Variants in ARL8B observed in about 807,000 individuals in gnomAD.
The protein encoded by ARL8B is ADP-ribosylation factor-like protein 8B.
ARL8B carries 9 observed loss-of-function variants against 30.6 expected under a neutral mutation model. The observed-to-expected ratio is 0.29, with a 90% CI of 0.18 to 0.51. ARL8B has a LOEUF of 0.51. ARL8B is among the 20% of genes least tolerant of loss of function. The pLI, the probability that ARL8B is intolerant of heterozygous loss-of-function variation, is 0.97. For synonymous variants in ARL8B, 74 were observed against 76.0 expected, an observed-to-expected ratio of 0.97 and a Z score of 0.14; for missense variants, 130 against 227.2, an observed-to-expected ratio of 0.57 and a Z score of 2.75.
At position 5,172,690 on chromosome 3, in the gene ARL8B, C is replaced by T. The variant is rs763392421; in HGVS notation, c.322C>T (p.Arg108Ter). ...AGATCGTGAAAAGATAGAAGCTTCC[C>T]GAAATGAGCTACATAATCTTCTAGA... ...AADREKIEASRNELHNLLDKP... is the reference protein window; with the variant it reads ...AADREKIEAS The change falls in exon 4 of 7, where the codon CGA (arginine) becomes TGA (stop). Residue 108 changes from arginine (R) to a stop codon, truncating the protein, a stop_gained. Coordinates refer to ENST00000256496, the MANE Select transcript of ARL8B (RefSeq NM_018184.3). LOFTEE classifies it high-confidence loss of function. The T allele has an allele frequency of 3.1e-6, 5 of 1,611,998 alleles. No individual in the cohort carries two copies. Among genetic ancestry groups the T allele is most frequent in the Admixed American group, 1.7e-5 (1 of 59,938 alleles).
chr3:5,157,270 T>C (rs1353836453), intron 1 of ARL8B, among the ~76,000 whole-genome samples: 1 of 152,220 alleles, frequency 6.6e-6, no homozygotes, highest in Non-Finnish European at 1.5e-5. Context: ...CAGATCCATA[T>C]GTCACAGCTT....
rs1191511049 is a variant in ARL8B at position 5,172,698 on chromosome 3, G to A, written c.330G>A (p.Glu110=). 16 of 1,612,342 alleles carry A rather than the reference G, an allele frequency of 9.9e-6. No individual in the cohort carries two copies. The highest frequency in any genetic ancestry group is 1.3e-5 in the Non-Finnish European group (15 of 1,179,082). ...DREKIEASRN[E]LHNLLDKPQL... ...AAAAGATAGAAGCTTCCCGAAATGA[G>A]CTACATAATCTTCTAGATAAACCAC... Residue 110 remains glutamate (E), a synonymous_variant, in exon 4 of 7, where the codon GAG becomes GAA. Transcript: ENST00000256496.
chr3:5,147,056 G>C (rs898287328), intron 1 of ARL8B, among the ~76,000 whole-genome samples: 1 of 151,534 alleles, frequency 6.6e-6, no homozygotes, highest in African/African-American at 2.4e-5. Flanking sequence ...AAGTTCTAGG[G>C]TACATGTGCA....
chr3:5,137,171 A>T (rs1463569800), intron 1 of ARL8B, among the ~76,000 whole-genome samples: 1 of 152,132 alleles, frequency 6.6e-6, no homozygotes, highest in Non-Finnish European at 1.5e-5. Context: ...GGATTTGGGC[A>T]TGAGAATACT....
At position 5,141,132 on chromosome 3, in the gene ARL8B, C is replaced by T. The variant is rs2054369865; in HGVS notation, c.123+18544C>T. Among the ~76,000 whole-genome samples the T allele has an allele frequency of 2.0e-5, 3 of 152,290 alleles. No individual in the cohort carries two copies. In the South Asian group the frequency reaches 6.2e-4, roughly 32 times the overall value. ...ATTTCCCAATAATGAAACTTTCTCC[C>T]CTTTTAGGGGCTGACCCCTCCTCTA... On this transcript the variant is annotated intron_variant, in intron 1 of 6. Coordinates refer to ENST00000256496, the MANE Select transcript of ARL8B (RefSeq NM_018184.3).
At chr3:5,137,057 A>C (rs185329810) in intron 1 of ARL8B, among the ~76,000 whole-genome samples, 22 of 152,328 alleles carry the variant, frequency 1.4e-4, no homozygotes, top group African/African-American at 5.3e-4. Flanking sequence ...AGAGTAAAAC[A>C]GTATAGGGTA....
At chr3:5,134,383 A>G (rs907277826) in intron 1 of ARL8B, among the ~76,000 whole-genome samples, 1 of 152,218 alleles carries the variant, frequency 6.6e-6, no homozygotes, top group Non-Finnish European at 1.5e-5. Context: ...TGAAGGCTGT[A>G]TATTCAGAGT....
chr3:5,178,499 A>G (rs2054750205), intron 6 of ARL8B, among the ~76,000 whole-genome samples, 165 bp from the exon 7 acceptor site: 1 of 152,134 alleles, frequency 6.6e-6, no homozygotes, highest in Admixed American at 6.5e-5. Context: ...ATAATTCCTC[A>G]TATTCTCTTG....
chr3:5,163,328 T>C (rs1376147840), intron 1 of ARL8B, among the ~76,000 whole-genome samples: 1 of 152,206 alleles, frequency 6.6e-6, no homozygotes, highest in African/African-American at 2.4e-5. Context: ...TTTGGTTTTC[T>C]GCTTCTGTAT....
intron 1 of ARL8B, among the ~76,000 whole-genome samples, chr3:5,125,818 C>A (rs181428209): frequency 2.2e-4 from 34 of 152,256 alleles, no homozygotes; most frequent in Non-Finnish European, 3.7e-4. Context: ...CAGGCGTGAG[C>A]CACTGTGCCC....
At chr3:5,153,969 ATT>A (rs2054510996) in intron 1 of ARL8B, among the ~76,000 whole-genome samples, 2 of 150,592 alleles carry the variant, frequency 1.3e-5, no homozygotes, top group Non-Finnish European at 3.0e-5. Context: ...AGATGCTTTG[ATT>A]GTTTCTGATG....
chr3:5,174,051 A>G lies in ARL8B; in HGVS notation c.407A>G (p.Asn136Ser). 6.2e-7 allele frequency: 1 copy of G among 1,612,696 alleles called. No homozygotes were observed. The highest frequency in any genetic ancestry group is 8.5e-7 in the Non-Finnish European group (1 of 1,179,034). ...CTTGGAAACAAGAGAGATCTTCCTAATGCCTTGGATGAGAAACAGCTAATT... is the reference window on the plus strand; with the variant it reads ...CTTGGAAACAAGAGAGATCTTCCTAGTGCCTTGGATGAGAAACAGCTAATT... The part of the protein sequence containing the change: ...LVLGNKRDLP[N>S]ALDEKQLIEK... The change falls in exon 5 of 7, where the codon AAT (asparagine) becomes AGT (serine). Residue 136 changes from asparagine (N) to serine (S), a missense_variant. Coordinates refer to ENST00000256496, the MANE Select transcript of ARL8B (RefSeq NM_018184.3).
intron 1 of ARL8B, among the ~76,000 whole-genome samples, chr3:5,154,119 C>T (rs1354566586): frequency 6.6e-6 from 1 of 151,886 alleles, no homozygotes; most frequent in Non-Finnish European, 1.5e-5. Context: ...TTTCTGCTTA[C>T]CCTGCTTAGT....
chr3:5,175,061 A>G (rs2054716832), intron 6 of ARL8B, among the ~76,000 whole-genome samples: 1 of 151,962 alleles, frequency 6.6e-6, no homozygotes, highest in Admixed American at 6.6e-5. Flanking sequence ...TCGGCCCCCC[A>G]AAGTGTTGGG....
At chr3:5,162,910 C>T (rs923180961) in intron 1 of ARL8B, among the ~76,000 whole-genome samples, 2 of 151,880 alleles carry the variant, frequency 1.3e-5, no homozygotes, top group African/African-American at 4.8e-5. Context: ...AGTCCTTACT[C>T]TCTCCCCACT....
chr3:5,173,799 A>G (rs1361141892), intron 4 of ARL8B, among the ~76,000 whole-genome samples: 2 of 152,242 alleles, frequency 1.3e-5, no homozygotes, highest in African/African-American at 2.4e-5. Flanking sequence ...AGCAGTTGGC[A>G]GCCACATACT....
intron 1 of ARL8B, among the ~76,000 whole-genome samples, chr3:5,166,347 CG>C (rs1169327436): frequency 2.1e-5 from 2 of 93,190 alleles, no homozygotes; most frequent in African/African-American, 1.0e-4. Flanking sequence ...TGGTATCTTT[CG>C]TTTTTTTTTT....
intron 1 of ARL8B, among the ~76,000 whole-genome samples, chr3:5,166,577 A>G (rs970961971): frequency 7.2e-5 from 11 of 151,808 alleles, no homozygotes; most frequent in African/African-American, 1.9e-4. Flanking sequence ...AGCTCAGGCA[A>G]TCCACCTGCC....
chr3:5,172,617 G>A, intron 3 of ARL8B, 30 bp from the exon 4 acceptor site: 1 of 1,432,340 alleles, frequency 7.0e-7, no homozygotes, highest in Non-Finnish European at 9.8e-7. Flanking sequence ...ATACAGAGAA[G>A]GTATGTTGAG....
Sources: gnomAD v4.1 joint callset for allele counts (sites outside exome capture counted in the v4.1 genomes callset) on GRCh38, gnomAD v4.1.1 for gene constraint, MANE v1.5 for transcripts, NCBI Gene and HGNC (gene_info 2026-07-23, HGNC 2026-07-21) for gene names.